The following DKKL1 variants were observed in gnomAD, a reference collection of about 807,000 sequenced individuals.
DKKL1 encodes the protein dickkopf-like protein 1.
Under a neutral mutation model 16.5 loss-of-function variants are expected in DKKL1, and 11 were observed. The observed-to-expected ratio is 0.67, with a 90% CI of 0.42 to 1.10. The LOEUF is 1.10. DKKL1 is among the 50% of genes least tolerant of loss of function. DKKL1 has a pLI of 0.00. For synonymous variants in DKKL1, 119 were observed against 133.2 expected, an observed-to-expected ratio of 0.89 and a Z score of 0.73; for missense variants, 320 against 308.1, an observed-to-expected ratio of 1.04 and a Z score of -0.29.
intron 1 of DKKL1, 124 bp from the exon 2 acceptor site, chr19:49,364,458 G>A: frequency 1.3e-6 from 1 of 740,772 alleles, no homozygotes; most frequent in Non-Finnish European, 2.2e-6. Context: ...AAGCAGTGGG[G>A]GAAATGAGCG....
intron 4 of DKKL1, among the ~76,000 whole-genome samples, chr19:49,367,095 C>T (rs1201076508): frequency 2.6e-5 from 4 of 151,866 alleles, no homozygotes; most frequent in African/African-American, 9.7e-5. Context: ...GGCACAATCT[C>T]AGCTCACTGC....
chr19:49,367,688 G>T (rs1265241155), intron 4 of DKKL1, among the ~76,000 whole-genome samples: 1 of 152,114 alleles, frequency 6.6e-6, no homozygotes, highest in Non-Finnish European at 1.5e-5. Context: ...TTATAGGCGT[G>T]AGCCACCATG....
Position 49,374,917 on chromosome 19 carries a change from G to C in DKKL1, c.618G>C (p.Lys206Asn), listed in dbSNP as rs1029812850. 1.6e-5 allele frequency: 26 copies of C among 1,613,996 alleles called. No homozygotes were observed. The highest frequency in any genetic ancestry group is 2.0e-5 in the Non-Finnish European group (24 of 1,179,966). ...RLQAIRDGLR[K>N]GTHKDVLEEG... ...AGGCCATCCGGGATGGACTCCGCAA[G>C]GGGACCCACAAGGACGTCCTAGAAG... Residue 206 changes from lysine to asparagine, a missense_variant, in exon 5 of 5, where the codon AAG becomes AAC. By Grantham distance (94) the Lys-to-Asn change is moderately conservative (BLOSUM62 0). Transcript: ENST00000221498.
At position 49,366,006 on chromosome 19, in the gene DKKL1, C is replaced by A. The variant is rs1219699699; in HGVS notation, c.417+121C>A. On this transcript the variant is annotated intron_variant, in intron 4 of 4. Transcript: ENST00000221498. ...GCAGTGGCACGATCTTGGCTCACTG[C>A]AACCTCCGCCTCCGAAGTTCAGGCA... The A allele has an allele frequency of 8.4e-6, 7 of 834,272 alleles. No individual in the cohort carries two copies. The East Asian group carries it at 2.1e-4, about 25-fold the overall frequency. 51.7% of individuals were successfully genotyped at this position (834,272 alleles called of 1,614,324 possible).
At position 49,365,829 on chromosome 19, in the gene DKKL1, G is replaced by A. The variant is rs756501481; in HGVS notation, c.361G>A (p.Glu121Lys). 6.8e-6 allele frequency: 11 copies of A among 1,614,158 alleles called. No homozygotes were observed. Among genetic ancestry groups the A allele is most frequent in the Admixed American group, 1.7e-5 (1 of 60,022 alleles). ...DNKTGEVLIS[E>K]NVVASIQPAE... is the part of the protein sequence containing the mutation. Reference sequence around the variant, plus strand: ...CAAGACAGGAGAGGTGCTGATCTCCGAGAATGTGGTGGCATCCATTCAACC... The same window carrying A: ...CAAGACAGGAGAGGTGCTGATCTCCAAGAATGTGGTGGCATCCATTCAACC... The change falls in exon 4 of 5, where the codon GAG becomes AAG. Residue 121 changes from glutamate (E) to lysine (K), a missense_variant. Glu to Lys is a moderately conservative substitution (Grantham distance 56). Coordinates refer to ENST00000221498, the MANE Select transcript of DKKL1 (RefSeq NM_014419.4).
chr19:49,370,747 T>G (rs1973448588), intron 4 of DKKL1: 1 of 152,074 alleles, frequency 6.6e-6, no homozygotes, highest in Non-Finnish European at 1.5e-5. Flanking sequence ...GGAGGCCCCA[T>G]GTAATGTGAA....
upstream of DKKL1, among the ~76,000 whole-genome samples, chr19:49,362,811 C>T (rs1305185975): frequency 1.3e-5 from 2 of 151,674 alleles, no homozygotes; most frequent in Non-Finnish European, 2.9e-5. Flanking sequence ...TCCCGGCTAC[C>T]CTCGTGTTTG....
At chr19:49,367,264 G>A (rs1336671915) in intron 4 of DKKL1, among the ~76,000 whole-genome samples, 1 of 152,140 alleles carries the variant, frequency 6.6e-6, no homozygotes, top group East Asian at 1.9e-4. Flanking sequence ...TCGAACTCCT[G>A]ACCTCAGCTG....
intron 1 of DKKL1, 29 bp from the exon 2 acceptor site, chr19:49,364,553 C>T (rs748309077): frequency 1.4e-5 from 23 of 1,591,142 alleles, no homozygotes; most frequent in African/African-American, 1.3e-5. Context: ...GGCCACTGTG[C>T]GGGGCTCTGA....
At chr19:49,362,939 T>G (rs934024129), upstream of DKKL1, 25 of 149,302 alleles carry the variant, frequency 1.7e-4, no homozygotes, top group African/African-American at 5.7e-4. Flanking sequence ...TTTTTTGTTT[T>G]TTTTTTTTTT....
intron 4 of DKKL1, among the ~76,000 whole-genome samples, chr19:49,372,380 G>A (rs113841620): frequency 0.039 from 5,917 of 151,798 alleles, 387 homozygotes; most frequent in African/African-American, 0.13. Flanking sequence ...CTAACGTAGC[G>A]AAACCCCGTC....
intron 3 of DKKL1, 58 bp from the exon 4 acceptor site, chr19:49,365,735 G>A: frequency 6.2e-7 from 1 of 1,602,974 alleles, no homozygotes; most frequent in Non-Finnish European, 8.5e-7. Flanking sequence ...TGTTGGGAGG[G>A]AAGGAGGGCG....
upstream of DKKL1, among the ~76,000 whole-genome samples, chr19:49,360,716 G>GGGA (rs1173112172): frequency 4.0e-5 from 6 of 149,360 alleles, no homozygotes; most frequent in Admixed American, 6.7e-5. Flanking sequence ...CAAGACTGAG[G>GGGA]GGAGGTCTAG....
At chr19:49,365,410 T>G in intron 2 of DKKL1, 99 bp from the exon 3 acceptor site, 1 of 1,416,508 alleles carries the variant, frequency 7.1e-7, no homozygotes, top group Admixed American at 2.5e-5. Context: ...GGGAGGGACT[T>G]GGGGCAAGGC....
chr19:49,373,886 T>A (rs1229896061), intron 4 of DKKL1, among the ~76,000 whole-genome samples: 1 of 152,060 alleles, frequency 6.6e-6, no homozygotes, highest in African/African-American at 2.4e-5. Flanking sequence ...TTTGCATACC[T>A]AACAACAGCA....
chr19:49,364,569 A>G lies in DKKL1; in HGVS notation c.11-13A>G. Reference sequence around the variant, plus strand: ...GCCACTGTGCGGGGCTCTGACCCCGACCCTTGCCACAGCCTCCCCACCTGC... The same window carrying G: ...GCCACTGTGCGGGGCTCTGACCCCGGCCCTTGCCACAGCCTCCCCACCTGC... On this transcript the variant is annotated splice_polypyrimidine_tract_variant and intron_variant, in intron 1 of 4. Coordinates refer to ENST00000221498, the MANE Select transcript of DKKL1 (RefSeq NM_014419.4). The G allele has an allele frequency of 6.2e-7, 1 of 1,604,690 alleles. No individual in the cohort carries two copies. The highest frequency in any genetic ancestry group is 1.3e-5 in the African/African-American group (1 of 74,790).
At chr19:49,373,395 C>T (rs895317765) in intron 4 of DKKL1, among the ~76,000 whole-genome samples, 30 of 151,984 alleles carry the variant, frequency 2.0e-4, no homozygotes, top group African/African-American at 7.2e-4. Context: ...ACCCTAGTTC[C>T]AAATAAGGCC....
upstream of DKKL1, chr19:49,363,154 T>G (rs993181625): frequency 2.0e-5 from 3 of 152,066 alleles, no homozygotes; most frequent in African/African-American, 7.3e-5. Flanking sequence ...CTTTGGTGCC[T>G]GAGGGAAGAT....
At position 49,364,694 on chromosome 19, in the gene DKKL1, C is replaced by G; in HGVS notation, c.123C>G (p.Ser41Arg). The G allele has an allele frequency of 1.2e-6, 2 of 1,614,198 alleles. No homozygotes were observed. The highest frequency in any genetic ancestry group is 1.7e-6 in the Non-Finnish European group (2 of 1,180,028). ...APIHDADAQE[S>R]SLGLTGLQSL... is the part of the protein sequence containing the mutation. ...TCCATGATGCTGACGCCCAAGAGAG[C>G]TCCTTGGGTCTCACAGGCCTCCAGA... Residue 41 changes from serine (S) to arginine (R), a missense_variant, in exon 2 of 5, where the codon AGC (serine) becomes AGG (arginine). By Grantham distance (110) the Ser-to-Arg change is moderately radical. Coordinates refer to ENST00000221498, the MANE Select transcript of DKKL1 (RefSeq NM_014419.4).
Sources: allele counts gnomAD v4.1 joint callset (sites outside exome capture counted in the v4.1 genomes callset), GRCh38; gene constraint gnomAD v4.1.1; transcripts MANE v1.5; gene names NCBI Gene and HGNC (gene_info 2026-07-23, HGNC 2026-07-21).